The following ABCD3 variants were observed in gnomAD, a reference collection of about 807,000 sequenced individuals.
ABCD3 encodes the protein ATP binding cassette subfamily D member 3, also known as ATP-binding cassette sub-family D member 3.
A neutral mutation model predicts 105.5 loss-of-function variants in ABCD3; 41 were observed. The ratio of observed to expected loss-of-function variants is 0.39; its 90% CI spans 0.30 to 0.50. The LOEUF (loss-of-function observed/expected upper bound fraction) is 0.50. Among genes scored for constraint, ABCD3 ranks in the 20% least tolerant of loss-of-function variants. The pLI is 0.84. For synonymous variants in ABCD3, 258 were observed against 269.0 expected, an observed-to-expected ratio of 0.96 and a Z score of 0.40; for missense variants, 622 against 806.3, an observed-to-expected ratio of 0.77 and a Z score of 2.77.
chr1:94,417,126 A>G (rs1659048625), upstream of ABCD3, among the ~76,000 whole-genome samples: 2 of 152,194 alleles, frequency 1.3e-5, no homozygotes, highest in African/African-American at 4.8e-5. Flanking sequence ...GTTAACTTTC[A>G]GAGGGCCAAA....
chr1:94,468,710 T>A (rs1648285917), intron 4 of ABCD3, among the ~76,000 whole-genome samples: 2 of 152,202 alleles, frequency 1.3e-5, no homozygotes, highest in Admixed American at 6.5e-5. Context: ...AAGTATTTAA[T>A]CTAAAATAAC....
chr1:94,407,523 T>G, the ABCD3 span, among the ~76,000 whole-genome samples: 521 of 152,356 alleles, frequency 3.4e-3, 2 homozygotes, highest in African/African-American at 0.012. Context: ...ACATTTCTTG[T>G]AAGTTTATTC....
intron 1 of ABCD3, among the ~76,000 whole-genome samples, chr1:94,425,724 T>G (rs559248129): frequency 6.6e-6 from 1 of 152,362 alleles, no homozygotes; most frequent in African/African-American, 2.4e-5. Context: ...TAAATTTTTT[T>G]CTACTTTACG....
At chr1:94,494,343 T>C (rs1353333217) in intron 16 of ABCD3, among the ~76,000 whole-genome samples, 1 of 152,184 alleles carries the variant, frequency 6.6e-6, no homozygotes, top group Non-Finnish European at 1.5e-5. Flanking sequence ...TGATTCTTGT[T>C]TTCTCCTCCC....
At chr1:94,436,126 T>A (rs944863439) in intron 1 of ABCD3, among the ~76,000 whole-genome samples, 3 of 152,234 alleles carry the variant, frequency 2.0e-5, no homozygotes, top group Non-Finnish European at 2.9e-5. Context: ...AAGATCACAA[T>A]TGGAATTTAG....
At chr1:94,429,505 A>C (rs1454690380) in intron 1 of ABCD3, among the ~76,000 whole-genome samples, 2 of 152,166 alleles carry the variant, frequency 1.3e-5, no homozygotes, top group African/African-American at 4.8e-5. Context: ...GGTCCGTCCC[A>C]GGGTCCCTTT....
intron 1 of ABCD3, among the ~76,000 whole-genome samples, chr1:94,428,862 C>T (rs1185191948): frequency 1.3e-5 from 2 of 151,990 alleles, no homozygotes; most frequent in African/African-American, 4.8e-5. Context: ...GGGCATTGCT[C>T]AAAAGATACC....
chr1:94,480,093 T>TA, intron 8 of ABCD3: 1 of 262,440 alleles, frequency 3.8e-6, no homozygotes, highest in Non-Finnish European at 7.4e-6. Flanking sequence ...ATATTAACAT[T>TA]AAAAAAGAAG....
At chr1:94,513,186 T>C (rs893654655) in intron 21 of ABCD3, among the ~76,000 whole-genome samples, 2 of 152,106 alleles carry the variant, frequency 1.3e-5, no homozygotes, top group African/African-American at 4.8e-5. Flanking sequence ...TTTGGTAATA[T>C]ATAATTATAC....
intron 15 of ABCD3, among the ~76,000 whole-genome samples, chr1:94,490,930 G>C (rs1211613878): frequency 1.3e-5 from 2 of 151,894 alleles, no homozygotes; most frequent in Non-Finnish European, 2.9e-5. Flanking sequence ...AACACTTACC[G>C]TTTGTCTCTT....
the ABCD3 span, among the ~76,000 whole-genome samples, chr1:94,406,047 T>C: frequency 6.6e-6 from 1 of 152,304 alleles, no homozygotes; most frequent in South Asian, 2.1e-4. Flanking sequence ...GTTGTACTTG[T>C]GTAATTTTAT....
the ABCD3 span, among the ~76,000 whole-genome samples, chr1:94,407,790 G>A: frequency 2.0e-5 from 3 of 152,112 alleles, no homozygotes; most frequent in South Asian, 2.1e-4. Flanking sequence ...TTTTTGTATG[G>A]CCTGCAAGCT....
chr1:94,446,220 G>A lies in ABCD3; in HGVS notation c.111-12387G>A, dbSNP rs940256115. On this transcript the variant is annotated intron_variant, in intron 1 of 22. Transcript: ENST00000370214. ...CCCCATTCCAAATGGGAGCATTTCC[G>A]GCTCAGGCCATTCCCTCACCCCTGG... Among the ~76,000 whole-genome samples, 4 of 152,196 alleles carry A rather than the reference G, an allele frequency of 2.6e-5. No homozygotes were observed. In the East Asian group the frequency reaches 5.8e-4, roughly 22 times the overall value.
At position 94,418,549 on chromosome 1, in the gene ABCD3, G is replaced by C. The variant is rs776642612; in HGVS notation, c.71G>C (p.Cys24Ser). 1 of 1,604,764 alleles carries C rather than the reference G, an allele frequency of 6.2e-7. No individual in the cohort carries two copies. The highest frequency in any genetic ancestry group is 1.7e-5 in the Admixed American group (1 of 59,902). Residue 24 changes from cysteine (C) to serine (S), a missense_variant, in exon 1 of 23, where the codon TGC becomes TCC. Physicochemically the swap from Cys to Ser is moderately radical, Grantham distance 112. This residue lies in a region of ABCD3 where 89 missense variants were observed against 77.5 expected (regional missense o/e 1.15). Coordinates refer to ENST00000370214, the MANE Select transcript of ABCD3 (RefSeq NM_002858.4). ...SLAGAAFLLL[C>S]LLHKRRRALG... The stretch of plus-strand genomic sequence containing the variant: ...GCTGGTGCCGCGTTCCTGCTGCTCT[G>C]CCTGCTCCACAAGCGGCGCCGCGCC...
chr1:94,393,738 A>G, the ABCD3 span, among the ~76,000 whole-genome samples: 1 of 152,200 alleles, frequency 6.6e-6, no homozygotes, highest in East Asian at 1.9e-4. Flanking sequence ...CAGTAAGAAT[A>G]ATTTAAGTTT....
chr1:94,418,472 C>T lies in ABCD3; in HGVS notation c.-7C>T. Reference sequence around the variant, plus strand: ...CCCCTCGCCGGCTCGCTGGTACCGGCAGTGCCATGGCGGCCTTCAGCAAGT... The same window carrying T: ...CCCCTCGCCGGCTCGCTGGTACCGGTAGTGCCATGGCGGCCTTCAGCAAGT... On this transcript the variant is annotated 5_prime_UTR_variant, in exon 1 of 23. Transcript: ENST00000370214. 1.3e-6 allele frequency: 2 copies of T among 1,594,362 alleles called. No homozygotes were observed. Among genetic ancestry groups the T allele is most frequent in the Non-Finnish European group, 1.7e-6 (2 of 1,175,330 alleles).
the ABCD3 span, among the ~76,000 whole-genome samples, chr1:94,385,471 G>T: frequency 6.6e-6 from 1 of 152,158 alleles, no homozygotes; most frequent in Non-Finnish European, 1.5e-5. Flanking sequence ...GAAGAAAGAG[G>T]CCAGAGGACT....
chr1:94,502,647 C>T (rs759213721), intron 20 of ABCD3, among the ~76,000 whole-genome samples: 9 of 152,018 alleles, frequency 5.9e-5, no homozygotes, highest in Non-Finnish European at 1.2e-4. Context: ...CAGGCATGCA[C>T]CACCACGCCT....
chr1:94,498,829 A>G lies in ABCD3; in HGVS notation c.1511A>G (p.Lys504Arg), dbSNP rs749101210. 1.9e-6 allele frequency: 3 copies of G among 1,613,586 alleles called. No homozygotes were observed. Among genetic ancestry groups the G allele is most frequent in the African/African-American group, 2.7e-5 (2 of 74,886 alleles). Reference protein sequence around the residue: ...GGRLTKPERGKLFYVPQRPYM... With the variant: ...GGRLTKPERGRLFYVPQRPYM... ...CGTCTAACTAAACCTGAAAGAGGAA[A>G]ATTATTTTATGTTCCTCAGGTAAGA... Residue 504 changes from lysine (K) to arginine (R), a missense_variant, in exon 18 of 23, where the codon AAA becomes AGA. By Grantham distance (26) the Lys-to-Arg change is conservative. Transcript: ENST00000370214.
Sources: gnomAD v4.1 joint callset for allele counts (sites outside exome capture counted in the v4.1 genomes callset) on GRCh38, gnomAD v4.1.1 for gene constraint, gnomAD v4.1.1 regional missense constraint, MANE v1.5 for transcripts, NCBI Gene and HGNC (gene_info 2026-07-23, HGNC 2026-07-21) for gene names.